Variants in LPP observed in about 807,000 individuals in gnomAD.
LPP encodes the protein lipoma-preferred partner.
In LPP, 38 loss-of-function variants were observed where a neutral mutation model predicts 60.4. That is an observed-to-expected ratio of 0.63 (90% CI 0.49 to 0.83). The LOEUF is 0.83. LPP is among the 40% of genes least tolerant of loss of function. The probability of loss-of-function intolerance (pLI) is 0.00; values close to 1 mark genes in which losing one functional copy is unlikely to be tolerated. For synonymous variants in LPP, 328 were observed against 290.8 expected, an observed-to-expected ratio of 1.13 and a Z score of -1.30; for missense variants, 902 against 783.6, an observed-to-expected ratio of 1.15 and a Z score of -1.80.
intron 4 of LPP, among the ~76,000 whole-genome samples, chr3:188,436,032 G>T (rs1792212847): frequency 6.6e-6 from 1 of 152,120 alleles, no homozygotes; most frequent in South Asian, 2.1e-4. Flanking sequence ...AACAATAACA[G>T]GAGCCAATGC....
At chr3:188,155,259 C>G (rs115719665) in intron 1 of LPP, among the ~76,000 whole-genome samples, 3,699 of 152,180 alleles carry the variant, frequency 0.024, 77 homozygotes, top group Middle Eastern at 0.044. Flanking sequence ...TTTCCCTCCC[C>G]CAACACAAAA....
chr3:188,359,598 C>G (rs1406665422), intron 3 of LPP, among the ~76,000 whole-genome samples: 2 of 152,184 alleles, frequency 1.3e-5, no homozygotes, highest in Non-Finnish European at 2.9e-5. Context: ...ATTGTCATGT[C>G]AAATTCCCTT....
chr3:188,393,245 A>G (rs1371401728), intron 3 of LPP, among the ~76,000 whole-genome samples: 3 of 152,094 alleles, frequency 2.0e-5, no homozygotes, highest in Non-Finnish European at 4.4e-5. Flanking sequence ...TGAATAGGTT[A>G]GTTGATAATA....
At chr3:188,720,538 C>G (rs2889905) in intron 8 of LPP, among the ~76,000 whole-genome samples, 14,728 of 150,662 alleles carry the variant, frequency 0.098, 899 homozygotes, top group Middle Eastern at 0.15. Context: ...TGCACTGTCT[C>G]TGGTTAGAGT....
chr3:188,636,663 A>G (rs1848858109), intron 7 of LPP, among the ~76,000 whole-genome samples: 2 of 152,118 alleles, frequency 1.3e-5, no homozygotes, highest in Non-Finnish European at 2.9e-5. Flanking sequence ...TCCCTGTCTG[A>G]CAGCTTTGAA....
chr3:188,296,034 TG>T (rs1020917075), intron 2 of LPP, among the ~76,000 whole-genome samples: 25 of 152,316 alleles, frequency 1.6e-4, no homozygotes, highest in African/African-American at 5.8e-4. Context: ...TGAATTCCTT[TG>T]AGCACAGACC....
intron 7 of LPP, among the ~76,000 whole-genome samples, chr3:188,700,435 T>C (rs1864173286): frequency 1.3e-5 from 2 of 152,158 alleles, no homozygotes; most frequent in Admixed American, 6.5e-5. Flanking sequence ...TTAAAGTAGG[T>C]AAATTGTAGT....
intron 2 of LPP, among the ~76,000 whole-genome samples, chr3:188,234,551 A>G (rs764112306): frequency 1.8e-4 from 28 of 152,192 alleles, no homozygotes; most frequent in Non-Finnish European, 3.7e-4. Flanking sequence ...TGACTTGTGA[A>G]GTGTCTTGCC....
chr3:188,240,993 T>C (rs1724430369), intron 2 of LPP, among the ~76,000 whole-genome samples: 1 of 152,226 alleles, frequency 6.6e-6, no homozygotes, highest in Admixed American at 6.5e-5. Context: ...GTTAAGATGT[T>C]ACGGGGTATG....
At chr3:188,210,058 A>G (rs1734282443) in intron 1 of LPP, among the ~76,000 whole-genome samples, 1 of 151,608 alleles carries the variant, frequency 6.6e-6, no homozygotes, top group Non-Finnish European at 1.5e-5. Flanking sequence ...CAACCAACCA[A>G]GGCTCGAAAA....
At chr3:188,632,467 T>C (rs1288295437) in intron 7 of LPP, among the ~76,000 whole-genome samples, 1 of 152,202 alleles carries the variant, frequency 6.6e-6, no homozygotes, top group African/African-American at 2.4e-5. Flanking sequence ...CTATCACATG[T>C]ATTCTCTATC....
At chr3:188,798,993 G>A (rs1396392208) in intron 9 of LPP, among the ~76,000 whole-genome samples, 1 of 152,224 alleles carries the variant, frequency 6.6e-6, no homozygotes, top group African/African-American at 2.4e-5. Flanking sequence ...TTAATTGCCA[G>A]TTCAGCTACA....
At chr3:188,794,810 T>G (rs1259086248) in intron 9 of LPP, among the ~76,000 whole-genome samples, 2 of 151,794 alleles carry the variant, frequency 1.3e-5, no homozygotes, top group African/African-American at 2.4e-5. Context: ...ACAGAAACCA[T>G]GGAGCAGTAG....
At chr3:188,524,853 C>T in intron 6 of LPP, 66 bp downstream of exon 6, 2 of 1,502,544 alleles carry the variant, frequency 1.3e-6, no homozygotes, top group Non-Finnish European at 1.8e-6. Context: ...TCAGAAAGAA[C>T]ATGCTGCACC....
At chr3:188,781,055 G>A (rs1739465807) in intron 9 of LPP, among the ~76,000 whole-genome samples, 1 of 152,238 alleles carries the variant, frequency 6.6e-6, no homozygotes, top group Non-Finnish European at 1.5e-5. Flanking sequence ...AGTTAGACTG[G>A]TGTTATGTGT....
chr3:188,328,575 G>T (rs931783271), intron 2 of LPP, among the ~76,000 whole-genome samples: 1 of 151,990 alleles, frequency 6.6e-6, no homozygotes, highest in African/African-American at 2.4e-5. Flanking sequence ...AAAATCTCCG[G>T]CAAAACCCAC....
At chr3:188,185,759 C>T (rs1025619144) in intron 1 of LPP, among the ~76,000 whole-genome samples, 5 of 152,146 alleles carry the variant, frequency 3.3e-5, no homozygotes, top group Non-Finnish European at 5.9e-5. Context: ...TCCCTTCTGT[C>T]GTTCTCTCAT....
Position 188,874,343 on chromosome 3 carries a change from T to C in LPP, c.1711-8T>C, listed in dbSNP as rs375958448. On this transcript the variant is annotated splice_polypyrimidine_tract_variant and splice_region_variant and intron_variant, in intron 11 of 11. Coordinates refer to ENST00000617246, the MANE Select transcript of LPP (RefSeq NM_001375462.1). ...TTATGTCGTTTCCATCTGTCTTTAC[T>C]GTTCTAGGATTGCGGTGGTCTCCTG... The C allele has an allele frequency of 3.7e-6, 6 of 1,609,338 alleles. No individual in the cohort carries two copies. The highest frequency in any genetic ancestry group is 2.2e-5 in the South Asian group (2 of 90,814).
At chr3:188,507,670 G>T (rs1313146708) in intron 5 of LPP, among the ~76,000 whole-genome samples, 3 of 152,158 alleles carry the variant, frequency 2.0e-5, no homozygotes, top group Admixed American at 6.5e-5. Context: ...GAGAAGCGCG[G>T]ATGGGTGGCG....
Sources: gnomAD v4.1 joint callset for allele counts (sites outside exome capture counted in the v4.1 genomes callset) on GRCh38, gnomAD v4.1.1 for gene constraint, MANE v1.5 for transcripts, NCBI Gene and HGNC (gene_info 2026-07-23, HGNC 2026-07-21) for gene names.